CSMD3: variants seen among roughly 807,000 people sequenced by gnomAD.
CSMD3 encodes the protein CUB and sushi domain-containing protein 3.
A neutral mutation model predicts 435.2 loss-of-function variants in CSMD3; 177 were observed. That is an observed-to-expected ratio of 0.41 (90% CI 0.36 to 0.46). The LOEUF is 0.46. CSMD3 is among the 20% of genes least tolerant of loss of function. The probability of loss-of-function intolerance (pLI) is 0.34; values close to 1 mark genes in which losing one functional copy is unlikely to be tolerated. For synonymous variants in CSMD3, 1,656 were observed against 1,520.5 expected (o/e 1.09, Z -2.07); for missense variants, 4,265 against 4,504.6 (o/e 0.95, Z 1.52).
At chr8:113,207,324 A>AT (rs141318386) in intron 3 of CSMD3, among the ~76,000 whole-genome samples, 14,535 of 151,412 alleles carry the variant, frequency 0.096, 904 homozygotes, top group Middle Eastern at 0.17. Context: ...TTCAACAAGA[A>AT]TTTTTTCCCA....
chr8:112,840,651 C>T (rs1370927062), intron 11 of CSMD3, among the ~76,000 whole-genome samples: 1 of 151,664 alleles, frequency 6.6e-6, no homozygotes, highest in African/African-American at 2.4e-5. Context: ...CTGTATTTCA[C>T]TGCAACCTTG....
intron 54 of CSMD3, among the ~76,000 whole-genome samples, chr8:112,294,373 T>A (rs1218568211): frequency 6.6e-6 from 1 of 152,126 alleles, no homozygotes; most frequent in Non-Finnish European, 1.5e-5. Flanking sequence ...ATGATCCTAT[T>A]ATAATTACAA....
intron 5 of CSMD3, among the ~76,000 whole-genome samples, chr8:113,081,973 T>C (rs1381329478): frequency 6.6e-6 from 1 of 152,172 alleles, no homozygotes; most frequent in Non-Finnish European, 1.5e-5. Context: ...GAAGCCACTA[T>C]GCATCCATGC....
At chr8:113,132,201 T>C (rs1245032988) in intron 4 of CSMD3, among the ~76,000 whole-genome samples, 1 of 152,226 alleles carries the variant, frequency 6.6e-6, no homozygotes, top group Non-Finnish European at 1.5e-5. Flanking sequence ...GATGACACTT[T>C]GGACTTGGTC....
chr8:112,759,996 A>T (rs572955387), intron 13 of CSMD3, among the ~76,000 whole-genome samples: 1 of 152,270 alleles, frequency 6.6e-6, no homozygotes, highest in African/African-American at 2.4e-5. Flanking sequence ...CAAGGTAAGT[A>T]ACTCTTCAAG....
intron 13 of CSMD3, among the ~76,000 whole-genome samples, chr8:112,749,783 G>C (rs1197985545): frequency 1.3e-5 from 2 of 152,028 alleles, no homozygotes; most frequent in Admixed American, 1.3e-4. Context: ...GGACGAACAT[G>C]TCTATTTGCA....
At chr8:112,486,949 TATA>T (rs1820196939) in intron 31 of CSMD3, among the ~76,000 whole-genome samples, 1 of 152,198 alleles carries the variant, frequency 6.6e-6, no homozygotes, top group Non-Finnish European at 1.5e-5. Context: ...CAACAAATGA[TATA>T]ATCTTTTCTT....
chr8:112,713,468 G>C (rs923497170), intron 13 of CSMD3, among the ~76,000 whole-genome samples: 1 of 151,578 alleles, frequency 6.6e-6, no homozygotes, highest in Admixed American at 6.6e-5. Context: ...GTCTGAAAGA[G>C]ATGGGGAGAA....
chr8:113,295,851 T>C (rs1258871204), intron 2 of CSMD3, among the ~76,000 whole-genome samples: 1 of 152,188 alleles, frequency 6.6e-6, no homozygotes, highest in African/African-American at 2.4e-5. Context: ...TGCACATGTA[T>C]GTTTATTGCG....
chr8:113,109,844 G>A (rs2090586220), intron 4 of CSMD3, among the ~76,000 whole-genome samples: 1 of 152,154 alleles, frequency 6.6e-6, no homozygotes, highest in Non-Finnish European at 1.5e-5. Context: ...GAGTTCCACA[G>A]CTTTCTTTAC....
intron 4 of CSMD3, among the ~76,000 whole-genome samples, chr8:113,159,680 A>G (rs1454759907): frequency 2.0e-5 from 3 of 152,050 alleles, no homozygotes; most frequent in Non-Finnish European, 4.4e-5. Flanking sequence ...TCTTTTTCCT[A>G]AAGTCACTTT....
At chr8:113,399,948 G>GTATATA (rs34785769) in intron 1 of CSMD3, among the ~76,000 whole-genome samples, 2,089 of 149,002 alleles carry the variant, frequency 0.014, 49 homozygotes, top group African/African-American at 0.046. Flanking sequence ...TCTATTCTGT[G>GTATATA]TATATATATA....
Position 112,406,662 on chromosome 8 carries a change from C to A in CSMD3, c.5671G>T (p.Gly1891Cys), listed in dbSNP as rs773657368. Residue 1891 changes from glycine to cysteine, a missense_variant, in exon 35 of 71, where the codon GGC becomes TGC. Physicochemically the swap from Gly to Cys is radical, Grantham distance 159. Around this residue, in one of 3 missense-constraint regions of CSMD3, gnomAD observed 3,255 missense variants for 3,380.2 expected, o/e 0.96. Transcript: ENST00000297405. ...VPEPRFGRRI[G>C]NEFAVGSSVL... ...GATGAACCGACTGCAAATTCATTGCCAATTCTTCTTCCGAATCTTGGTTCA... is the reference window on the plus strand; with the variant it reads ...GATGAACCGACTGCAAATTCATTGCAAATTCTTCTTCCGAATCTTGGTTCA... The A allele has an allele frequency of 6.2e-7, 1 of 1,612,074 alleles. No individual in the cohort carries two copies. Among genetic ancestry groups the A allele is most frequent in the Admixed American group, 1.7e-5 (1 of 59,924 alleles).
intron 27 of CSMD3, among the ~76,000 whole-genome samples, chr8:112,525,209 T>G (rs1255529153): frequency 2.0e-5 from 3 of 151,694 alleles, no homozygotes; most frequent in Admixed American, 6.6e-5. Context: ...AATTTTAACT[T>G]CTTTTCAGAA....
chr8:112,603,656 A>G (rs1175019443), intron 22 of CSMD3, among the ~76,000 whole-genome samples: 1 of 152,222 alleles, frequency 6.6e-6, no homozygotes, highest in Non-Finnish European at 1.5e-5. Context: ...TAAATGATAA[A>G]ATAGACTGAT....
chr8:112,337,763 T>C, intron 42 of CSMD3, 32 bp from the exon 43 acceptor site: 1 of 1,575,314 alleles, frequency 6.3e-7, no homozygotes, highest in Middle Eastern at 1.7e-4. Flanking sequence ...ACATTTTTTC[T>C]TTCCAAATTT....
chr8:112,342,327 C>T (rs982105362), intron 41 of CSMD3, among the ~76,000 whole-genome samples: 2 of 151,910 alleles, frequency 1.3e-5, no homozygotes, highest in African/African-American at 2.4e-5. Context: ...AACTAAAATA[C>T]GAGACAGTGA....
At chr8:112,238,226 T>G (rs961020679) in intron 66 of CSMD3, among the ~76,000 whole-genome samples, 15 of 151,608 alleles carry the variant, frequency 9.9e-5, no homozygotes, top group Non-Finnish European at 1.6e-4. Context: ...TACCCAACCC[T>G]CTTTGGATGA....
chr8:112,356,641 G>A (rs1289681282), intron 38 of CSMD3, among the ~76,000 whole-genome samples: 1 of 151,324 alleles, frequency 6.6e-6, no homozygotes, highest in South Asian at 2.1e-4. Flanking sequence ...GAATTCCCAC[G>A]TGTTGTGGGA....
Sources: allele counts gnomAD v4.1 joint callset (sites outside exome capture counted in the v4.1 genomes callset), GRCh38; gene constraint gnomAD v4.1.1; regional missense constraint gnomAD v4.1.1; transcripts MANE v1.5; gene names NCBI Gene and HGNC (gene_info 2026-07-23, HGNC 2026-07-21).